PRP4K: variants seen among roughly 807,000 people sequenced by gnomAD.
PRP4K encodes the protein serine/threonine-protein kinase PRP4 homolog.
At chr6:4,034,972 A>T in the PRP4K span, among the ~76,000 whole-genome samples, 4 of 152,008 alleles carry the variant, frequency 2.6e-5, no homozygotes, top group African/African-American at 9.7e-5. Context: ...CGGCCTCCCA[A>T]AGTGTTGGGA....
At chr6:4,045,279 C>A in the PRP4K span, among the ~76,000 whole-genome samples, 3 of 152,114 alleles carry the variant, frequency 2.0e-5, no homozygotes, top group African/African-American at 7.2e-5. Flanking sequence ...CGAACACTTA[C>A]AAATGTAAAA....
chr6:4,058,350 A>G, the PRP4K span, among the ~76,000 whole-genome samples: 1 of 152,234 alleles, frequency 6.6e-6, no homozygotes, highest in Non-Finnish European at 1.5e-5. Context: ...CTGTTGGAAC[A>G]TAATTAGTAA....
the PRP4K span, chr6:4,053,021 C>T: frequency 1.2e-5 from 9 of 731,134 alleles, no homozygotes; most frequent in Non-Finnish European, 1.4e-5. Context: ...ACTTTTTTAT[C>T]TTTCTTGGAA....
the PRP4K span, among the ~76,000 whole-genome samples, chr6:4,057,374 G>A: frequency 6.6e-5 from 10 of 152,300 alleles, no homozygotes; most frequent in South Asian, 4.1e-4. Context: ...TCAGCCAAGC[G>A]CTAAGGATAA....
the PRP4K span, among the ~76,000 whole-genome samples, chr6:4,057,663 G>A: frequency 1.3e-5 from 2 of 151,664 alleles, no homozygotes; most frequent in Non-Finnish European, 2.9e-5. Context: ...CTAACTCACC[G>A]CTGATACTTC....
the PRP4K span, chr6:4,040,639 T>C: frequency 1.0e-6 from 1 of 958,874 alleles, no homozygotes; most frequent in South Asian, 1.7e-5. Context: ...GACTATATTT[T>C]AGAAGAGTTT....
At chr6:4,045,108 G>A in the PRP4K span, among the ~76,000 whole-genome samples, 7 of 151,894 alleles carry the variant, frequency 4.6e-5, no homozygotes, top group South Asian at 1.2e-3. Context: ...TGATCTGCCT[G>A]TCGGCCTCCC....
At chr6:4,046,123 T>C in the PRP4K span, among the ~76,000 whole-genome samples, 1 of 152,272 alleles carries the variant, frequency 6.6e-6, no homozygotes, top group Admixed American at 6.5e-5. Context: ...CATTCTTTAA[T>C]TCTTGGCCAC....
At chr6:4,038,123 C>T in the PRP4K span, among the ~76,000 whole-genome samples, 1 of 151,890 alleles carries the variant, frequency 6.6e-6, no homozygotes, top group Non-Finnish European at 1.5e-5. Flanking sequence ...TATTTGTTTG[C>T]CAATCTTTTA....
the PRP4K span, among the ~76,000 whole-genome samples, chr6:4,042,762 A>G: frequency 1.5e-4 from 23 of 152,332 alleles, no homozygotes; most frequent in African/African-American, 5.5e-4. Context: ...TTGGTTATAC[A>G]TAGAATTCTG....
the PRP4K span, among the ~76,000 whole-genome samples, chr6:4,059,834 T>C: frequency 6.6e-6 from 1 of 152,122 alleles, no homozygotes; most frequent in African/African-American, 2.4e-5. Flanking sequence ...TTAGTAGAGA[T>C]GGGTTTTGCA....
the PRP4K span, among the ~76,000 whole-genome samples, chr6:4,025,527 C>G: frequency 6.6e-6 from 1 of 152,124 alleles, no homozygotes; most frequent in Non-Finnish European, 1.5e-5. Context: ...TAAGGTTAAC[C>G]TGATTGTACC....
chr6:4,039,774 C>T, the PRP4K span, among the ~76,000 whole-genome samples: 2 of 152,058 alleles, frequency 1.3e-5, no homozygotes, highest in Non-Finnish European at 2.9e-5. Context: ...AGATTTTATT[C>T]TCATCTCTGC....
the PRP4K span, chr6:4,042,632 T>C: frequency 1.5e-6 from 2 of 1,292,384 alleles, no homozygotes; most frequent in Admixed American, 4.3e-5. Context: ...TTAACAAAAA[T>C]GTAGCATTAA....
chr6:4,039,592 G>C, the PRP4K span, among the ~76,000 whole-genome samples: 1 of 152,096 alleles, frequency 6.6e-6, no homozygotes, highest in Admixed American at 6.5e-5. Context: ...TCTGTCCTCA[G>C]CTCTTACCTC....
At chr6:4,029,155 A>T in the PRP4K span, among the ~76,000 whole-genome samples, 1 of 144,762 alleles carries the variant, frequency 6.9e-6, no homozygotes, top group South Asian at 2.2e-4. Context: ...AGTAGCTGGG[A>T]CTACAGGTGT....
chr6:4,021,966 T>TCAC, the PRP4K span, among the ~76,000 whole-genome samples: 138 of 152,196 alleles, frequency 9.1e-4, no homozygotes, highest in Non-Finnish European at 1.5e-3. Context: ...GGTGCTGGGG[T>TCAC]CACACTCTCT....
chr6:4,033,319 T>C, the PRP4K span, among the ~76,000 whole-genome samples: 2 of 152,182 alleles, frequency 1.3e-5, no homozygotes, highest in Non-Finnish European at 2.9e-5. Context: ...AAGTAGTATC[T>C]CTTAAGCTTA....
At chr6:4,041,010 C>T in the PRP4K span, 1 of 1,343,444 alleles carries the variant, frequency 7.4e-7, no homozygotes, top group Middle Eastern at 2.0e-4. Flanking sequence ...ATAATATCCA[C>T]CTAAATATTA....
Sources: gnomAD v4.1 joint callset for allele counts (sites outside exome capture counted in the v4.1 genomes callset) on GRCh38, gnomAD v4.1.1 for gene constraint, MANE v1.5 for transcripts, NCBI Gene and HGNC (gene_info 2026-07-23, HGNC 2026-07-21) for gene names.